Variants in ANK3 observed in about 807,000 individuals in gnomAD.
The protein encoded by ANK3 is ankyrin 3, also known as ankyrin-3.
A neutral mutation model predicts 370.9 loss-of-function variants in ANK3; 57 were observed. The observed-to-expected ratio is 0.15, with a 90% CI of 0.12 to 0.19. The LOEUF is 0.19. Ranked by LOEUF, ANK3 falls within the 10% of genes least tolerant of loss-of-function variation. The probability of loss-of-function intolerance (pLI) is 1.00; values close to 1 mark genes in which losing one functional copy is unlikely to be tolerated. For missense variants in ANK3, 4,439 were observed against 5,302.1 expected (o/e 0.84, Z 5.06); for synonymous variants, 1,929 against 1,946.3 (o/e 0.99, Z 0.23).
intron 2 of ANK3, among the ~76,000 whole-genome samples, chr10:60,467,872 G>A (rs1408369244): frequency 6.6e-5 from 10 of 151,910 alleles, no homozygotes; most frequent in Non-Finnish European, 1.3e-4. Context: ...TAAATACGGA[G>A]CTGCAAGTCA....
intron 1 of ANK3, among the ~76,000 whole-genome samples, chr10:60,301,770 G>C (rs1248241891): frequency 6.6e-6 from 1 of 152,058 alleles, no homozygotes; most frequent in African/African-American, 2.4e-5. Context: ...CAGCTTTTCA[G>C]ATATGCAACA....
At chr10:60,352,604 T>TGA (rs1389833278) in intron 1 of ANK3, among the ~76,000 whole-genome samples, 1 of 152,160 alleles carries the variant, frequency 6.6e-6, no homozygotes, top group East Asian at 1.9e-4. Flanking sequence ...AGAGCACAGG[T>TGA]GAGAACTTCC....
intron 1 of ANK3, among the ~76,000 whole-genome samples, chr10:60,387,769 G>T (rs969812930): frequency 2.0e-5 from 3 of 152,124 alleles, no homozygotes; most frequent in Non-Finnish European, 4.4e-5. Context: ...ATTGAGTCCA[G>T]AAACTCCCTC....
intron 2 of ANK3, among the ~76,000 whole-genome samples, chr10:60,461,885 C>T (rs1392014607): frequency 2.0e-5 from 3 of 152,138 alleles, no homozygotes; most frequent in Non-Finnish European, 4.4e-5. Context: ...GCACTGGATA[C>T]CTCCCTGCCA....
intron 2 of ANK3, among the ~76,000 whole-genome samples, chr10:60,568,390 A>G (rs1018410646): frequency 6.6e-6 from 1 of 152,238 alleles, no homozygotes; most frequent in Non-Finnish European, 1.5e-5. Context: ...TTGCCTTTTT[A>G]GACATAAAAA....
At chr10:60,267,581 C>T (rs1052968078) in intron 5 of ANK3, among the ~76,000 whole-genome samples, 7 of 152,092 alleles carry the variant, frequency 4.6e-5, no homozygotes, top group South Asian at 2.1e-4. Flanking sequence ...GAAGATCTCA[C>T]GTACTATTTT....
At chr10:60,418,326 T>C (rs2063710949) in intron 2 of ANK3, among the ~76,000 whole-genome samples, 1 of 152,308 alleles carries the variant, frequency 6.6e-6, no homozygotes, top group South Asian at 2.1e-4. Flanking sequence ...ACCCCATTCC[T>C]ATGTCTCGTT....
At chr10:60,172,242 A>G in intron 21 of ANK3, 66 bp downstream of exon 21, 1 of 1,306,184 alleles carries the variant, frequency 7.7e-7, no homozygotes, top group South Asian at 1.3e-5. Context: ...TTCATCTCAG[A>G]AAAACCCAAG....
chr10:60,569,523 A>C (rs892181813), intron 2 of ANK3, among the ~76,000 whole-genome samples: 7 of 152,142 alleles, frequency 4.6e-5, no homozygotes, highest in African/African-American at 1.4e-4. Context: ...ACACACAGAC[A>C]CCCTCTTCAC....
At chr10:60,593,397 G>A (rs558527444) in intron 2 of ANK3, among the ~76,000 whole-genome samples, 3 of 152,244 alleles carry the variant, frequency 2.0e-5, no homozygotes, top group South Asian at 2.1e-4. Flanking sequence ...CCAGGATATC[G>A]TGCCTTGATC....
intron 1 of ANK3, among the ~76,000 whole-genome samples, chr10:60,694,904 C>T (rs1354127006): frequency 4.0e-4 from 59 of 148,314 alleles, no homozygotes; most frequent in African/African-American, 1.4e-3. Context: ...ACAATATTAA[C>T]TTTAAATGTA....
chr10:60,051,082 T>A (rs1006061432), intron 42 of ANK3, among the ~76,000 whole-genome samples: 1 of 152,192 alleles, frequency 6.6e-6, no homozygotes, highest in Non-Finnish European at 1.5e-5. Flanking sequence ...TTCATTCTCT[T>A]TCTTCTTTAT....
chr10:60,618,354 A>C (rs1315988861), intron 1 of ANK3, among the ~76,000 whole-genome samples: 1 of 152,198 alleles, frequency 6.6e-6, no homozygotes, highest in African/African-American at 2.4e-5. Context: ...AGCTTACCTA[A>C]AGAAATGTAG....
intron 2 of ANK3, chr10:60,572,865 A>G: frequency 9.5e-7 from 1 of 1,053,378 alleles, no homozygotes; most frequent in South Asian, 3.9e-5. Context: ...GTTCCTCCAC[A>G]GTGATTTGAG....
chr10:60,479,837 C>T (rs556736049), intron 2 of ANK3, among the ~76,000 whole-genome samples: 3 of 152,274 alleles, frequency 2.0e-5, no homozygotes, highest in African/African-American at 4.8e-5. Context: ...AATTTCACAA[C>T]GCTTTTGATT....
chr10:60,626,806 C>T (rs1396604433), intron 1 of ANK3, among the ~76,000 whole-genome samples: 2 of 152,228 alleles, frequency 1.3e-5, no homozygotes, highest in East Asian at 3.9e-4. Context: ...TCCAAAGGGC[C>T]TAGGGCTATA....
chr10:60,271,106 T>A (rs552963540), intron 4 of ANK3, among the ~76,000 whole-genome samples: 1 of 152,308 alleles, frequency 6.6e-6, no homozygotes, highest in African/African-American at 2.4e-5. Flanking sequence ...GTATTTCATA[T>A]CTATGAAATA....
chr10:60,613,114 T>C (rs1305844039), intron 2 of ANK3, among the ~76,000 whole-genome samples: 3 of 152,238 alleles, frequency 2.0e-5, no homozygotes, highest in Admixed American at 1.3e-4. Flanking sequence ...GCCTATATTT[T>C]TGTTCTTCAT....
intron 23 of ANK3, among the ~76,000 whole-genome samples, chr10:60,149,011 T>TA (rs370047970): frequency 7.9e-5 from 12 of 152,226 alleles, no homozygotes; most frequent in African/African-American, 2.9e-4. Context: ...TGTTCCCAGG[T>TA]ATAAAGAAGT....
Sources: allele counts gnomAD v4.1 joint callset (sites outside exome capture counted in the v4.1 genomes callset), GRCh38; gene constraint gnomAD v4.1.1; transcripts MANE v1.5; gene names NCBI Gene and HGNC (gene_info 2026-07-23, HGNC 2026-07-21).